TMPRSS3: variants seen among roughly 807,000 people sequenced by gnomAD.
The protein encoded by TMPRSS3 is transmembrane protease serine 3.
TMPRSS3 carries 55 observed loss-of-function variants against 59.6 expected under a neutral mutation model. The ratio of observed to expected loss-of-function variants is 0.92; its 90% CI spans 0.74 to 1.16. TMPRSS3 has a LOEUF of 1.16. Ranked by LOEUF, TMPRSS3 falls within the 50% of genes most tolerant of loss-of-function variation. The probability of loss-of-function intolerance (pLI) is 0.00; values close to 1 mark genes in which losing one functional copy is unlikely to be tolerated. For missense variants in TMPRSS3, 596 were observed against 579.4 expected (o/e 1.03, Z -0.29); for synonymous variants, 257 against 237.7 (o/e 1.08, Z -0.75).
intron 10 of TMPRSS3, among the ~76,000 whole-genome samples, chr21:42,379,258 G>A (rs1174883489): frequency 1.3e-5 from 2 of 150,908 alleles, no homozygotes; most frequent in Non-Finnish European, 2.9e-5. Context: ...AAACTCCTGG[G>A]CTCAAGCAAT....
chr21:42,383,876 A>G, intron 7 of TMPRSS3, 94 bp downstream of exon 7: 1 of 1,350,094 alleles, frequency 7.4e-7, no homozygotes, highest in South Asian at 1.2e-5. Flanking sequence ...GAAGGGATAC[A>G]GAGCCCCATG....
rs893276086 is a variant in TMPRSS3, at chr21:42,372,883, G to A, written c.1345-104C>T. On this transcript the variant is annotated intron_variant, in intron 12 of 12. Coordinates refer to ENST00000644384, the MANE Select transcript of TMPRSS3 (RefSeq NM_001256317.3). ...CATTTTGCCCTGTGGGAATTGTGGG[G>A]CTGTTCTCCACGATGAAGACAAGGT... The A allele has an allele frequency of 8.6e-6, 12 of 1,393,250 alleles. No homozygotes were observed. The African/African-American group carries it at 1.7e-4, about 20-fold the overall frequency. 86.3% of individuals were successfully genotyped at this position (1,393,250 alleles called of 1,614,324 possible). A position where few individuals can be genotyped will look rare whatever the true frequency, so the allele number is the denominator to read the frequency against.
chr21:42,385,584 A>G lies in TMPRSS3; in HGVS notation c.447-50T>C, dbSNP rs749533788. The G allele has an allele frequency of 3.1e-6, 5 of 1,610,630 alleles. No homozygotes were observed. The African/African-American group carries it at 6.7e-5, about 22-fold the overall frequency. ...CCCGACGTGGTAACTTTACACTTTG[A>G]AGCATTCAACCGATGTGCGAGTCAC... On this transcript the variant is annotated intron_variant, in intron 5 of 12. Coordinates refer to ENST00000644384, the MANE Select transcript of TMPRSS3 (RefSeq NM_001256317.3).
chr21:42,377,294 C>T (rs896313724), intron 10 of TMPRSS3, among the ~76,000 whole-genome samples: 4 of 152,294 alleles, frequency 2.6e-5, no homozygotes, highest in African/African-American at 7.2e-5. Context: ...GAAGCTGTGA[C>T]GACAGAGCAG....
chr21:42,388,417 T>A lies in TMPRSS3; in HGVS notation c.432A>T (p.Gln144His), dbSNP rs61731564. The A allele has an allele frequency of 6.2e-7, 1 of 1,614,212 alleles. No homozygotes were observed. The highest frequency in any genetic ancestry group is 8.5e-7 in the Non-Finnish European group (1 of 1,180,040). ...KGHYANVACA[Q>H]LGFPSYVSSD... is the part of the protein sequence containing the mutation. ...CTTTAACTTACCTTGGGAAACCCAG[T>A]TGGGCACAGGCAACATTTGCGTAGT... is the stretch of plus-strand genomic sequence containing the variant. Residue 144 changes from glutamine to histidine, a missense_variant, in exon 5 of 13, where the codon CAA (glutamine) becomes CAT (histidine). Physicochemically the swap from Gln to His is conservative, Grantham distance 24. Coordinates refer to ENST00000644384, the MANE Select transcript of TMPRSS3 (RefSeq NM_001256317.3). This position sits in a 1 kb window ranked among gnomAD's most constrained non-coding sequence, Gnocchi z 5.1.
intron 9 of TMPRSS3, among the ~76,000 whole-genome samples, chr21:42,381,454 G>A (rs1269713789): frequency 2.0e-5 from 3 of 152,194 alleles, no homozygotes; most frequent in Non-Finnish European, 4.4e-5. Flanking sequence ...CCTCTACCTG[G>A]AGAAACCAGG....
intron 6 of TMPRSS3, 33 bp downstream of exon 6, chr21:42,385,376 C>G (rs2052616105): frequency 6.2e-7 from 1 of 1,613,252 alleles, no homozygotes; most frequent in African/African-American, 1.3e-5. Context: ...GACTCGATAC[C>G]TGTGCAGACA....
In TMPRSS3 at chr21:42,382,056, C is replaced by T; in HGVS notation, c.952+9G>A. 1 of 1,614,194 alleles carries T rather than the reference C, an allele frequency of 6.2e-7. No homozygotes were observed. Among genetic ancestry groups the T allele is most frequent in the Non-Finnish European group, 8.5e-7 (1 of 1,180,032 alleles). On this transcript the variant is annotated intron_variant, in intron 9 of 12. Transcript: ENST00000644384. ...AGAGCTGCAGAACCACATAGAGACCCAGATGTACCATTGAACGTGAGTGGC... is the reference window on the plus strand; with the variant it reads ...AGAGCTGCAGAACCACATAGAGACCTAGATGTACCATTGAACGTGAGTGGC...
rs202020952 is a variant in TMPRSS3 at position 42,376,526 on chromosome 21, G to A, written c.1191+15C>T. 1.3e-5 allele frequency: 21 copies of A among 1,612,342 alleles called. No homozygotes were observed. The highest frequency in any genetic ancestry group is 6.7e-5 in the East Asian group (3 of 44,888). On this transcript the variant is annotated intron_variant, in intron 11 of 12. Coordinates refer to ENST00000644384, the MANE Select transcript of TMPRSS3 (RefSeq NM_001256317.3). ...TCACCCTGCCACGGCCTCGCCCACC[G>A]CTGCGGCCCCGTACCTGGCAGCTGT...
chr21:42,384,050 C>T (rs775842824), intron 6 of TMPRSS3, 37 bp from the exon 7 acceptor site: 1 of 1,609,744 alleles, frequency 6.2e-7, no homozygotes, highest in Non-Finnish European at 8.5e-7. Context: ...TGAAAAATGC[C>T]CCAGATCTGT....
chr21:42,382,117 C>G lies in TMPRSS3; in HGVS notation c.900G>C (p.Arg300Ser). ...IVYHSKYKPK[R>S]LGNDIALMKL... ...TCATAAGGGCGATGTCATTGCCCAG[C>G]CTCTTTGGCTTGTACTTGCTGTGGT... The change falls in exon 9 of 13, where the codon AGG (arginine) becomes AGC (serine). Residue 300 changes from arginine (R) to serine (S), a missense_variant. Physicochemically the swap from Arg to Ser is moderately radical, Grantham distance 110. Coordinates refer to ENST00000644384, the MANE Select transcript of TMPRSS3 (RefSeq NM_001256317.3). The G allele has an allele frequency of 6.2e-7, 1 of 1,614,222 alleles. No individual in the cohort carries two copies. The highest frequency in any genetic ancestry group is 8.5e-7 in the Non-Finnish European group (1 of 1,180,032).
Position 42,385,442 on chromosome 21 carries a change from T to C in TMPRSS3, c.539A>G (p.Lys180Arg), listed in dbSNP as rs2052617654. 8.7e-6 allele frequency: 14 copies of C among 1,614,172 alleles called. No individual in the cohort carries two copies. Among genetic ancestry groups the C allele is most frequent in the Non-Finnish European group, 1.2e-5 (14 of 1,180,022 alleles). Residue 180 changes from lysine to arginine, a missense_variant, in exon 6 of 13, where the codon AAG becomes AGG. Physicochemically the swap from Lys to Arg is conservative, Grantham distance 26. Transcript: ENST00000644384. Reference protein sequence around the residue: ...VSIDHLLPDDKVTALHHSVYV... With the variant: ...VSIDHLLPDDRVTALHHSVYV... Reference sequence around the variant, plus strand: ...TACTGAGTGGTGTAATGCAGTCACCTTGTCATCTGGCAAGAGGTGATCGAT... The same window carrying C: ...TACTGAGTGGTGTAATGCAGTCACCCTGTCATCTGGCAAGAGGTGATCGAT...
At chr21:42,381,077 G>A (rs1179535341) in intron 9 of TMPRSS3, among the ~76,000 whole-genome samples, 1 of 152,180 alleles carries the variant, frequency 6.6e-6, no homozygotes, top group Non-Finnish European at 1.5e-5. Flanking sequence ...GCCTGCAGCT[G>A]GTCTCAGGTC....
At chr21:42,384,406 T>C (rs1294559933) in intron 6 of TMPRSS3, among the ~76,000 whole-genome samples, 1 of 152,144 alleles carries the variant, frequency 6.6e-6, no homozygotes, top group Non-Finnish European at 1.5e-5. Flanking sequence ...TGGCAAGCTC[T>C]CTAGGACTCC....
At chr21:42,373,663 T>C (rs225311) in intron 12 of TMPRSS3, among the ~76,000 whole-genome samples, 64,830 of 152,116 alleles carry the variant, frequency 0.43, 14,945 homozygotes, top group Non-Finnish European at 0.51. Context: ...TTGATTCTGC[T>C]GTGCAGTCAC....
At position 42,395,463 on chromosome 21, in the gene TMPRSS3, T is replaced by G; in HGVS notation, c.-46A>C. The G allele has an allele frequency of 1.3e-6, 2 of 1,503,654 alleles. No homozygotes were observed. The highest frequency in any genetic ancestry group is 1.9e-6 in the Non-Finnish European group (2 of 1,080,152). The allele number at this position is 1,503,654 out of a possible 1,614,324, so 93.1% of individuals were successfully genotyped here. ...TGACATCCGGCTCCGCCTCCACCTCTACCTCCTTAGCCGAGGAAGAACAGA... is the reference window on the plus strand; with the variant it reads ...TGACATCCGGCTCCGCCTCCACCTCGACCTCCTTAGCCGAGGAAGAACAGA... On this transcript the variant is annotated 5_prime_UTR_variant, in exon 2 of 13. The change abolishes the stop of an existing upstream ORF in the 5' untranslated region. Transcript: ENST00000644384.
rs891171996 is a variant in TMPRSS3, at chr21:42,372,852, C to T, written c.1345-73G>A. ...CCGTCCAACATGATGACGGAGCGGG[C>T]ACCTGCATTTTGCCCTGTGGGAATT... is the stretch of plus-strand genomic sequence containing the variant. On this transcript the variant is annotated intron_variant, in intron 12 of 12. Transcript: ENST00000644384. The T allele has an allele frequency of 3.2e-6, 5 of 1,576,790 alleles. No individual in the cohort carries two copies. In the African/African-American group the frequency reaches 5.4e-5, roughly 17 times the overall value.
chr21:42,380,796 C>A (rs767561328), intron 9 of TMPRSS3, among the ~76,000 whole-genome samples: 31 of 152,246 alleles, frequency 2.0e-4, no homozygotes, highest in Admixed American at 3.3e-4. Context: ...GAGTGCCCTG[C>A]ACATACCTCG....
At chr21:42,380,072 G>C in intron 10 of TMPRSS3, 45 bp downstream of exon 10, 2 of 1,529,908 alleles carry the variant, frequency 1.3e-6, no homozygotes, top group Non-Finnish European at 1.8e-6. Flanking sequence ...CAGCCCTCTG[G>C]GTTCTGAGCC....
Sources: gnomAD v4.1 joint callset for allele counts (sites outside exome capture counted in the v4.1 genomes callset) on GRCh38, gnomAD v4.1.1 for gene constraint, Gnocchi (gnomAD v3.1) non-coding constraint, MANE v1.5 for transcripts, NCBI Gene and HGNC (gene_info 2026-07-23, HGNC 2026-07-21) for gene names.